Variants in OARD1 observed in about 807,000 individuals in gnomAD.
OARD1 encodes the protein ADP-ribose glycohydrolase OARD1.
In OARD1, 19 loss-of-function variants were observed where a neutral mutation model predicts 19.7. The observed-to-expected ratio is 0.96, with a 90% CI of 0.67 to 1.41. The LOEUF (loss-of-function observed/expected upper bound fraction) is 1.41, where lower values mean the gene tolerates loss of function less well. Ranked by LOEUF, OARD1 falls within the 40% of genes most tolerant of loss-of-function variation. The pLI is 0.00. For missense variants in OARD1, 190 were observed against 183.8 expected (o/e 1.03, Z -0.20); for synonymous variants, 70 against 61.8 (o/e 1.13, Z -0.62).
intron 1 of OARD1, among the ~76,000 whole-genome samples, chr6:41,081,778 C>T (rs1030888590): frequency 7.9e-5 from 12 of 152,206 alleles, no homozygotes; most frequent in African/African-American, 2.9e-4. Context: ...ATTACTAGAT[C>T]TGCAAAGATT....
intron 2 of OARD1, 131 bp downstream of exon 2, chr6:41,071,465 C>G: frequency 9.6e-7 from 1 of 1,036,696 alleles, no homozygotes; most frequent in South Asian, 1.4e-5. Flanking sequence ...GAATTTTGAG[C>G]CTTTTTAAAG....
rs1763477564 is a variant in OARD1, at chr6:41,072,221, TTC to T, written c.-42+13_-42+14del. 1.3e-5 allele frequency: 2 copies of T among 153,710 alleles called. No individual in the cohort carries two copies. The highest frequency in any genetic ancestry group is 6.4e-5 in the Admixed American group (1 of 15,516). The allele number at this position is 153,710 out of a possible 1,614,324, so 9.5% of individuals were successfully genotyped here. A position where few individuals can be genotyped will look rare whatever the true frequency, so the allele number is the denominator to read the frequency against. ...GGAAAGAGTCTATTGAAGCCTCCCA[TTC>T]TCTGTCTCCTACCCTAGGGCGGGTC... On this transcript the variant is annotated intron_variant, in intron 1 of 5. Coordinates refer to ENST00000424266, the MANE Select transcript of OARD1 (RefSeq NM_001329686.2).
At chr6:41,096,059 T>C (rs796172548) in intron 1 of OARD1, among the ~76,000 whole-genome samples, 4 of 152,310 alleles carry the variant, frequency 2.6e-5, no homozygotes, top group African/African-American at 9.6e-5. Flanking sequence ...ATTGGCCTTA[T>C]ATAGTACTTA....
intron 1 of OARD1, among the ~76,000 whole-genome samples, chr6:41,086,571 T>G (rs1764051766): frequency 6.6e-6 from 1 of 152,158 alleles, no homozygotes; most frequent in South Asian, 2.1e-4. Flanking sequence ...GAAGACTACT[T>G]CTTAACCTTT....
Position 41,067,069 on chromosome 6 carries a change from T to C in OARD1, c.*266A>G, listed in dbSNP as rs373780302. ...GGTAGCATACTGGAGAAAAAGGTCATAGTCCCGACAATCTGGTTTCCCTGC... is the reference window on the plus strand; with the variant it reads ...GGTAGCATACTGGAGAAAAAGGTCACAGTCCCGACAATCTGGTTTCCCTGC... On this transcript the variant is annotated 3_prime_UTR_variant, in exon 6 of 6. Coordinates refer to ENST00000424266, the MANE Select transcript of OARD1 (RefSeq NM_001329686.2). 1 of 230,510 alleles carries C rather than the reference T, an allele frequency of 4.3e-6. No homozygotes were observed. Among genetic ancestry groups the C allele is most frequent in the Non-Finnish European group, 8.5e-6 (1 of 117,234 alleles). 14.3% of individuals were successfully genotyped at this position (230,510 alleles called of 1,614,324 possible). A position where few individuals can be genotyped will look rare whatever the true frequency, so the allele number is the denominator to read the frequency against.
At chr6:41,087,268 A>T (rs535192974) in intron 1 of OARD1, among the ~76,000 whole-genome samples, 53 of 152,370 alleles carry the variant, frequency 3.5e-4, no homozygotes, top group African/African-American at 1.3e-3. Flanking sequence ...GGAAAAAATA[A>T]TTCAGAAGAC....
intron 1 of OARD1, among the ~76,000 whole-genome samples, chr6:41,085,739 GGGTTGTGTTTTC>G (rs1452387127): frequency 6.8e-6 from 1 of 146,316 alleles, no homozygotes; most frequent in Non-Finnish European, 1.5e-5. Flanking sequence ...CATGCATGTG[GGGTTGTGTTTTC>G]ATTTTTTTTT....
At chr6:41,089,738 A>G in intron 1 of OARD1, 1 of 1,604,700 alleles carries the variant, frequency 6.2e-7, no homozygotes. Flanking sequence ...GTCACACAGG[A>G]GCAAAACTGA....
At chr6:41,077,434 C>T (rs928862877), upstream of OARD1, among the ~76,000 whole-genome samples, 3 of 152,156 alleles carry the variant, frequency 2.0e-5, no homozygotes, top group African/African-American at 4.8e-5. Flanking sequence ...ACCACTGATC[C>T]ATTTTCTGTC....
chr6:41,080,326 G>A (rs530262277), intron 1 of OARD1, among the ~76,000 whole-genome samples: 145 of 152,180 alleles, frequency 9.5e-4, no homozygotes, highest in Middle Eastern at 3.4e-3. Context: ...AAGAATCTTA[G>A]TTTTGGGACA....
intron 1 of OARD1, chr6:41,080,735 AG>A: frequency 8.3e-7 from 1 of 1,206,092 alleles, no homozygotes; most frequent in Non-Finnish European, 1.2e-6. Flanking sequence ...CTCCTCCAAG[AG>A]GTAAGGTGAT....
intron 1 of OARD1, chr6:41,093,193 G>C (rs542808174): frequency 1.5e-5 from 14 of 927,304 alleles, no homozygotes; most frequent in Non-Finnish European, 2.0e-5. Flanking sequence ...AACAATTGAC[G>C]TTAGATACTT....
chr6:41,072,142 G>A (rs1007927350), intron 1 of OARD1, 94 bp downstream of exon 1: 2 of 155,434 alleles, frequency 1.3e-5, no homozygotes, highest in Admixed American at 1.3e-4. Flanking sequence ...GGAAAGGAAG[G>A]CGGCCTCTCA....
chr6:41,070,176 C>T, intron 3 of OARD1, 42 bp from the exon 4 acceptor site: 1 of 1,035,876 alleles, frequency 9.7e-7, no homozygotes, highest in Non-Finnish European at 1.5e-6. Context: ...AAAAGAAAAC[C>T]AAACACTGAT....
intron 1 of OARD1, among the ~76,000 whole-genome samples, chr6:41,096,659 C>G (rs574819260): frequency 2.4e-4 from 37 of 152,334 alleles, no homozygotes; most frequent in Admixed American, 1.2e-3. Flanking sequence ...ACCAAGGCTT[C>G]AGAGCCTTGG....
intron 1 of OARD1, among the ~76,000 whole-genome samples, chr6:41,093,467 C>T (rs1012954318): frequency 2.0e-5 from 3 of 151,298 alleles, no homozygotes; most frequent in African/African-American, 7.3e-5. Flanking sequence ...GAAAGGTACC[C>T]TTTCTTTTTT....
At chr6:41,075,771 G>A (rs1397475319), upstream of OARD1, 3 of 151,588 alleles carry the variant, frequency 2.0e-5, no homozygotes, top group Non-Finnish European at 4.4e-5. Context: ...TCCCCAGCTG[G>A]AACAAATCTC....
At chr6:41,087,455 A>G (rs925668658) in intron 1 of OARD1, among the ~76,000 whole-genome samples, 5 of 152,192 alleles carry the variant, frequency 3.3e-5, no homozygotes, top group East Asian at 1.9e-4. Context: ...GGTGGTCCCA[A>G]GTTGAAATTA....
intron 1 of OARD1, chr6:41,084,314 CA>C: frequency 2.5e-6 from 3 of 1,196,340 alleles, no homozygotes; most frequent in East Asian, 2.6e-5. Context: ...ATTTTGCATT[CA>C]GTTGATTTTC....
Sources: allele counts gnomAD v4.1 joint callset (sites outside exome capture counted in the v4.1 genomes callset), GRCh38; gene constraint gnomAD v4.1.1; transcripts MANE v1.5; gene names NCBI Gene and HGNC (gene_info 2026-07-23, HGNC 2026-07-21).